Variants in LRRTM4 observed in about 807,000 individuals in gnomAD.
The protein encoded by LRRTM4 is leucine-rich repeat transmembrane neuronal protein 4.
Under a neutral mutation model 47.6 loss-of-function variants are expected in LRRTM4, and 25 were observed. The observed-to-expected ratio is 0.53, with a 90% CI of 0.38 to 0.73. The LOEUF (loss-of-function observed/expected upper bound fraction) is 0.73, where lower values mean the gene tolerates loss of function less well. Among genes scored for constraint, LRRTM4 ranks in the 30% least tolerant of loss-of-function variants. The probability of loss-of-function intolerance (pLI) is 0.00; values close to 1 mark genes in which losing one functional copy is unlikely to be tolerated. For missense variants in LRRTM4, 638 were observed against 713.4 expected (o/e 0.89, Z 1.20); for synonymous variants, 311 against 269.5 (o/e 1.15, Z -1.51).
chr2:77,236,993 T>C (rs185025314), intron 3 of LRRTM4, among the ~76,000 whole-genome samples: 1 of 152,120 alleles, frequency 6.6e-6, no homozygotes, highest in Non-Finnish European at 1.5e-5. Context: ...TCTTTGTTTG[T>C]TGTATCTTTG....
chr2:77,486,552 TAAC>T lies in LRRTM4; in HGVS notation c.1551+31763_1551+31765del, dbSNP rs1220212762. Among the ~76,000 whole-genome samples, 21 of 152,118 alleles carry T rather than the reference TAAC, an allele frequency of 1.4e-4. No homozygotes were observed. In the South Asian group the frequency reaches 3.3e-3, roughly 24 times the overall value. ...TAATGGCATATTTCTCATGAAAAAA[TAAC>T]AATTATAATATTAACCAAATTTTAA... On this transcript the variant is annotated intron_variant, in intron 3 of 3. Transcript: ENST00000409884.
intron 3 of LRRTM4, among the ~76,000 whole-genome samples, chr2:76,880,125 T>C (rs1672887129): frequency 1.3e-5 from 2 of 152,228 alleles, no homozygotes; most frequent in African/African-American, 4.8e-5. Flanking sequence ...ATGAATTTTG[T>C]TGATAAAGTA....
intron 3 of LRRTM4, among the ~76,000 whole-genome samples, chr2:76,874,615 T>A (rs941685585): frequency 2.0e-5 from 3 of 152,058 alleles, no homozygotes; most frequent in African/African-American, 7.3e-5. Flanking sequence ...TAGAAAGTTT[T>A]TTTTTTAGGC....
chr2:76,976,001 A>G (rs1676406753), intron 3 of LRRTM4, among the ~76,000 whole-genome samples: 1 of 151,720 alleles, frequency 6.6e-6, no homozygotes, highest in Non-Finnish European at 1.5e-5. Flanking sequence ...CTTGCTTCTA[A>G]TTCTTTGGGG....
chr2:77,499,059 A>G (rs1678469835), intron 3 of LRRTM4, among the ~76,000 whole-genome samples: 1 of 151,858 alleles, frequency 6.6e-6, no homozygotes, highest in Non-Finnish European at 1.5e-5. Flanking sequence ...ACCAGGTTTT[A>G]TGCACTACAT....
intron 3 of LRRTM4, among the ~76,000 whole-genome samples, chr2:77,238,336 A>G (rs551138516): frequency 6.2e-4 from 95 of 152,270 alleles, no homozygotes; most frequent in African/African-American, 2.3e-3. Context: ...GCAGTGTCTT[A>G]ACTTTGGAGG....
chr2:77,404,365 A>G (rs890244883), intron 3 of LRRTM4, among the ~76,000 whole-genome samples: 1 of 152,108 alleles, frequency 6.6e-6, no homozygotes. Flanking sequence ...TACAAAATGC[A>G]GTACAGACAG....
intron 3 of LRRTM4, among the ~76,000 whole-genome samples, chr2:76,911,392 ACT>A (rs1366184474): frequency 6.6e-6 from 1 of 152,262 alleles, no homozygotes; most frequent in African/African-American, 2.4e-5. Context: ...AAGAACAGTT[ACT>A]GTGACAGAAC....
In LRRTM4 at chr2:77,089,239, T is replaced by C. The variant is rs7568462; in HGVS notation, c.1552-340323A>G. Among the ~76,000 whole-genome samples the C allele has an allele frequency of 3.3e-4, 34 of 104,180 alleles. No individual in the cohort carries two copies. The South Asian group carries it at 7.3e-3, about 22-fold the overall frequency. The allele number at this position is 104,180 out of a possible 152,430, so 68.3% of individuals were successfully genotyped here. A position where few individuals can be genotyped will look rare whatever the true frequency, so the allele number is the denominator to read the frequency against. On this transcript the variant is annotated intron_variant, in intron 3 of 3. Coordinates refer to ENST00000409884, the MANE Select transcript of LRRTM4 (RefSeq NM_001134745.3). Reference sequence around the variant, plus strand: ...GGGCAAGTAACCGAACCCCTTGTCTTCTTGTCTCTACCCCTTCTCTGCTTT... The same window carrying C: ...GGGCAAGTAACCGAACCCCTTGTCTCCTTGTCTCTACCCCTTCTCTGCTTT...
At chr2:76,967,203 A>C (rs1676056506) in intron 3 of LRRTM4, among the ~76,000 whole-genome samples, 1 of 141,474 alleles carries the variant, frequency 7.1e-6, no homozygotes, top group African/African-American at 2.6e-5. Context: ...CCATTTACCT[A>C]TTCAACTAAA....
At position 76,748,647 on chromosome 2, in the gene LRRTM4, C is replaced by T. The variant is rs1386275944; in HGVS notation, c.*48G>A. 8.6e-7 allele frequency: 1 copy of T among 1,158,702 alleles called. No homozygotes were observed. Among genetic ancestry groups the T allele is most frequent in the Non-Finnish European group, 1.3e-6 (1 of 790,516 alleles). The allele number at this position is 1,158,702 out of a possible 1,614,324, so 71.8% of individuals were successfully genotyped here. On this transcript the variant is annotated 3_prime_UTR_variant, in exon 4 of 4. Coordinates refer to ENST00000409884, the MANE Select transcript of LRRTM4 (RefSeq NM_001134745.3). ...CACCCATTCTCCTTTAAGATGAAGG[C>T]CCTCCCTCCCCCCCATGGAGCTCCC...
chr2:76,785,113 C>T (rs566314082), intron 3 of LRRTM4, among the ~76,000 whole-genome samples: 1 of 152,182 alleles, frequency 6.6e-6, no homozygotes, highest in East Asian at 1.9e-4. Context: ...TATCTTGCTA[C>T]ACCGATCTTG....
chr2:77,449,186 G>A (rs955116539), intron 3 of LRRTM4, among the ~76,000 whole-genome samples: 9 of 152,212 alleles, frequency 5.9e-5, no homozygotes, highest in South Asian at 2.1e-4. Context: ...ATGAATATGC[G>A]TTTAAGATAA....
chr2:76,922,429 A>T (rs1282731305), intron 3 of LRRTM4, among the ~76,000 whole-genome samples: 2 of 152,042 alleles, frequency 1.3e-5, no homozygotes, highest in Admixed American at 6.6e-5. Context: ...ATCTTATGAG[A>T]ACTCACTTAC....
chr2:77,454,005 C>A (rs1379822080), intron 3 of LRRTM4, among the ~76,000 whole-genome samples: 1 of 152,118 alleles, frequency 6.6e-6, no homozygotes, highest in African/African-American at 2.4e-5. Flanking sequence ...TCTTTGAATA[C>A]CTTACACAAT....
chr2:77,283,077 C>T (rs964067063), intron 3 of LRRTM4, among the ~76,000 whole-genome samples: 3 of 151,924 alleles, frequency 2.0e-5, no homozygotes, highest in Non-Finnish European at 2.9e-5. Context: ...ACAAACTATC[C>T]ATCCAACAAA....
At chr2:77,362,700 T>C (rs1672288394) in intron 3 of LRRTM4, among the ~76,000 whole-genome samples, 1 of 152,174 alleles carries the variant, frequency 6.6e-6, no homozygotes, top group African/African-American at 2.4e-5. Context: ...TAACTGGCTC[T>C]GTCCTTTCAT....
intron 3 of LRRTM4, among the ~76,000 whole-genome samples, chr2:77,064,563 T>C (rs1679893551): frequency 1.3e-5 from 2 of 152,186 alleles, no homozygotes; most frequent in African/African-American, 4.8e-5. Flanking sequence ...TCAGCTATCT[T>C]CTTCAGGCTA....
At chr2:77,102,025 G>C (rs796157688) in intron 3 of LRRTM4, among the ~76,000 whole-genome samples, 24 of 152,308 alleles carry the variant, frequency 1.6e-4, no homozygotes, top group African/African-American at 5.5e-4. Flanking sequence ...GACAAACAAA[G>C]GGACTTTCTT....
Sources: allele counts gnomAD v4.1 joint callset (sites outside exome capture counted in the v4.1 genomes callset), GRCh38; gene constraint gnomAD v4.1.1; transcripts MANE v1.5; gene names NCBI Gene and HGNC (gene_info 2026-07-23, HGNC 2026-07-21).